Variants in ATM observed in about 807,000 individuals in gnomAD.
ATM encodes the protein serine-protein kinase ATM.
In ATM, 308 loss-of-function variants were observed where a neutral mutation model predicts 387.0. That is an observed-to-expected ratio of 0.80 (90% CI 0.73 to 0.87). The LOEUF (loss-of-function observed/expected upper bound fraction) is 0.87, where lower values mean the gene tolerates loss of function less well. ATM is among the 40% of genes least tolerant of loss of function. ATM has a pLI of 0.00. For missense variants in ATM, 3,312 were observed against 3,560.9 expected (o/e 0.93, Z 1.78); for synonymous variants, 1,156 against 1,187.3 (o/e 0.97, Z 0.54).
At chr11:108,224,062 TATG>T (rs1485592236) in intron 1 of ATM, 3 of 152,344 alleles carry the variant, frequency 2.0e-5, no homozygotes, top group East Asian at 3.9e-4. Context: ...CGGAAGTTAA[TATG>T]ATCATTGCTA....
At chr11:108,353,690 T>C in intron 59 of ATM, 76 bp from the exon 60 acceptor site, 1 of 1,225,632 alleles carries the variant, frequency 8.2e-7, no homozygotes, top group African/African-American at 1.5e-5. Context: ...CTTGCCTTTG[T>C]AAAGTTCACA....
intron 1 of ATM, chr11:108,224,543 T>C (rs1195345485): frequency 1.3e-5 from 2 of 152,252 alleles, no homozygotes. Context: ...GACTACCTAA[T>C]AGTTCCTCTG....
At chr11:108,313,298 C>A (rs1302923508) in intron 40 of ATM, among the ~76,000 whole-genome samples, 2 of 152,184 alleles carry the variant, frequency 1.3e-5, no homozygotes, top group African/African-American at 4.8e-5. Context: ...CCCTTTCTCA[C>A]AAAGACAAAA....
intron 32 of ATM, 173 bp downstream of exon 32, chr11:108,295,232 C>G (rs989620164): frequency 5.3e-6 from 4 of 750,840 alleles, no homozygotes; most frequent in Non-Finnish European, 4.4e-6. Flanking sequence ...TCTTCTCACC[C>G]TGAACTCTTC....
chr11:108,241,852 ATCCTCCCACCCC>A, intron 5 of ATM, among the ~76,000 whole-genome samples: 1 of 142,658 alleles, frequency 7.0e-6, no homozygotes, highest in East Asian at 2.1e-4. Context: ...AGCTCAAATG[ATCCTCCCACCCC>A]CTTCCAAGTA....
Position 108,252,909 on chromosome 11 carries a change from A to G in ATM, c.1895A>G (p.Glu632Gly). ...AAMNFFQSVP[E>G]CEHHQKDKEE... ...ATGAATTTTTTCCAAAGCGTGCCAG[A>G]ATGGTATGTTATCTAATAATGCTCT... Residue 632 changes from glutamate to glycine, a missense_variant, in exon 12 of 63, where the codon GAA (glutamate) becomes GGA (glycine). By Grantham distance (98) the Glu-to-Gly change is moderately conservative (BLOSUM62 -2). Around this residue, in one of 4 missense-constraint regions of ATM, gnomAD observed 1,791 missense variants for 1,804.5 expected, o/e 0.99. Transcript: ENST00000675843. 6.2e-7 allele frequency: 1 copy of G among 1,606,088 alleles called. No homozygotes were observed. The highest frequency in any genetic ancestry group is 8.5e-7 in the Non-Finnish European group (1 of 1,173,244).
chr11:108,336,005 G>T (rs1387244932), intron 56 of ATM, 44 bp downstream of exon 56: 1 of 1,472,966 alleles, frequency 6.8e-7, no homozygotes. Flanking sequence ...ACATATAAAA[G>T]ATGCCATTTG....
chr11:108,334,902 A>G lies in ATM; in HGVS notation c.8011-67A>G. Reference sequence around the variant, plus strand: ...TTTAATATTAAAATTGCCATTTATAATGTATTTTTCTTTAAGTGCAAATAG... The same window carrying G: ...TTTAATATTAAAATTGCCATTTATAGTGTATTTTTCTTTAAGTGCAAATAG... On this transcript the variant is annotated intron_variant, in intron 54 of 62. Coordinates refer to ENST00000675843, the MANE Select transcript of ATM (RefSeq NM_000051.4). 2.0e-6 allele frequency: 3 copies of G among 1,524,172 alleles called. No individual in the cohort carries two copies. In the Admixed American group the frequency reaches 5.0e-5, roughly 26 times the overall value. The allele number at this position is 1,524,172 out of a possible 1,614,324, so 94.4% of individuals were successfully genotyped here. A position where few individuals can be genotyped will look rare whatever the true frequency, so the allele number is the denominator to read the frequency against.
chr11:108,256,098 A>G, intron 13 of ATM, 117 bp from the exon 14 acceptor site: 1 of 932,308 alleles, frequency 1.1e-6, no homozygotes, highest in South Asian at 1.9e-5. Context: ...GCCACCTTTA[A>G]CTCAGTTAAC....
At chr11:108,331,787 C>T in intron 51 of ATM, 92 bp from the exon 52 acceptor site, 2 of 1,455,940 alleles carry the variant, frequency 1.4e-6, no homozygotes, top group Non-Finnish European at 9.5e-7. Context: ...AGTATCTAGA[C>T]AGTAATACAC....
At chr11:108,245,073 CAT>C (rs1034665933) in intron 7 of ATM, 47 bp downstream of exon 7, 1 of 1,427,966 alleles carries the variant, frequency 7.0e-7, no homozygotes, top group Middle Eastern at 2.3e-4. Context: ...TTCATTCAAA[CAT>C]AGAAGTCTAA....
Position 108,330,337 on chromosome 11 carries a change from A to T in ATM, c.7431A>T (p.Gly2477=), listed in dbSNP as rs1158876832. ...ATTATATCAACTGCTTATTAAGTGG[A>T]GAAGAACATGATATGTGGGTATTCC... is the stretch of plus-strand genomic sequence containing the variant. The part of the protein sequence containing the change: ...VENYINCLLS[G]EEHDMWVFRL... Residue 2477 remains glycine (G), a synonymous_variant, in exon 50 of 63, where the codon GGA becomes GGT. Transcript: ENST00000675843. 5 of 1,614,198 alleles carry T rather than the reference A, an allele frequency of 3.1e-6. No homozygotes were observed. The highest frequency in any genetic ancestry group is 1.7e-6 in the Non-Finnish European group (2 of 1,180,014).
chr11:108,260,628 A>G (rs1298720744), intron 16 of ATM, among the ~76,000 whole-genome samples: 1 of 152,128 alleles, frequency 6.6e-6, no homozygotes, highest in Admixed American at 6.6e-5. Context: ...AATAATTTTG[A>G]GGGAGGAGCC....
At chr11:108,347,440 G>A in intron 59 of ATM, 75 bp downstream of exon 59, 2 of 1,209,352 alleles carry the variant, frequency 1.7e-6, no homozygotes, top group Non-Finnish European at 2.4e-6. Flanking sequence ...TGCCTACCAA[G>A]ATATTACAAA....
chr11:108,332,666 G>A, intron 52 of ATM, 96 bp from the exon 53 acceptor site: 2 of 1,291,650 alleles, frequency 1.5e-6, no homozygotes, highest in South Asian at 2.6e-5. Context: ...GTCTAGATTT[G>A]TGCATAAATT....
intron 40 of ATM, 38 bp downstream of exon 40, chr11:108,312,536 A>C: frequency 1.4e-6 from 2 of 1,439,562 alleles, no homozygotes; most frequent in Non-Finnish European, 2.0e-6. Context: ...GACAGTATTT[A>C]TCTCATACTT....
At position 108,334,978 on chromosome 11, in the gene ATM, A is replaced by C; in HGVS notation, c.8020A>C (p.Thr2674Pro). 2 of 1,613,398 alleles carry C rather than the reference A, an allele frequency of 1.2e-6. No individual in the cohort carries two copies. The highest frequency in any genetic ancestry group is 1.7e-6 in the Non-Finnish European group (2 of 1,179,350). Residue 2674 changes from threonine (T) to proline (P), a missense_variant, in exon 55 of 63, where the codon ACA (threonine) becomes CCA (proline). By Grantham distance (38) the Thr-to-Pro change is conservative. This residue lies in a region of ATM where 1,405 missense variants were observed against 1,604.4 expected (regional missense o/e 0.88). Coordinates refer to ENST00000675843, the MANE Select transcript of ATM (RefSeq NM_000051.4). The stretch of plus-strand genomic sequence containing the variant: ...TTTATACTTTTATTAGGTGGACCAC[A>C]CAGGAGAATATGGAAATCTGGTGAC... The part of the protein sequence containing the change: ...VPTMEIKVDH[T>P]GEYGNLVTIQ...
rs2084026395 is a variant in ATM, at chr11:108,310,197, C to T, written c.5800C>T (p.Leu1934=). The change falls in exon 39 of 63, where the codon CTG becomes TTG. Residue 1934 remains leucine (L), a synonymous_variant. Transcript: ENST00000675843. ...SGTIFNDAFW[L]DLNYLEVAKV... is the part of the protein sequence containing the mutation. ...AACAATTTTTAATGATGCTTTCTGG[C>T]TGGATTTAAATTATCTAGAAGTTGC... 6.2e-7 allele frequency: 1 copy of T among 1,613,446 alleles called. No homozygotes were observed. Among genetic ancestry groups the T allele is most frequent in the Non-Finnish European group, 8.5e-7 (1 of 1,179,676 alleles).
At chr11:108,259,983 G>T (rs2080760595) in intron 16 of ATM, among the ~76,000 whole-genome samples, 1 of 148,246 alleles carries the variant, frequency 6.7e-6, no homozygotes, top group African/African-American at 2.5e-5. Flanking sequence ...GTATTCTATT[G>T]TGTGGTGATA....
Sources: gnomAD v4.1 joint callset for allele counts (sites outside exome capture counted in the v4.1 genomes callset) on GRCh38, gnomAD v4.1.1 for gene constraint, gnomAD v4.1.1 regional missense constraint, MANE v1.5 for transcripts, NCBI Gene and HGNC (gene_info 2026-07-23, HGNC 2026-07-21) for gene names.